The following TEAD1 variants were observed in gnomAD, a reference collection of about 807,000 sequenced individuals.
TEAD1 encodes transcriptional enhancer factor TEF-1.
A neutral mutation model predicts 54.9 loss-of-function variants in TEAD1; 9 were observed. The ratio of observed to expected loss-of-function variants is 0.16; its 90% CI spans 0.10 to 0.29. The LOEUF is 0.29. TEAD1 is among the 10% of genes least tolerant of loss of function. The pLI, the probability that TEAD1 is intolerant of heterozygous loss-of-function variation, is 1.00. For missense variants in TEAD1, 387 were observed against 535.9 expected (o/e 0.72, Z 2.74); for synonymous variants, 200 against 187.8 (o/e 1.07, Z -0.53).
chr11:12,788,001 C>T (rs915658273), intron 3 of TEAD1, among the ~76,000 whole-genome samples: 3 of 143,690 alleles, frequency 2.1e-5, no homozygotes, highest in South Asian at 2.2e-4. Flanking sequence ...TTGCTCTTGT[C>T]GCTCAGGCTG....
At chr11:12,927,149 C>A (rs1308606868) in intron 11 of TEAD1, among the ~76,000 whole-genome samples, 1 of 152,170 alleles carries the variant, frequency 6.6e-6, no homozygotes, top group African/African-American at 2.4e-5. Context: ...CTGATAAAAT[C>A]ACAGGAATTT....
At chr11:12,854,915 C>T (rs1266356710) in intron 3 of TEAD1, among the ~76,000 whole-genome samples, 2 of 151,934 alleles carry the variant, frequency 1.3e-5, no homozygotes, top group Middle Eastern at 3.2e-3. Flanking sequence ...ATCTTTTTAC[C>T]CCCATAATTT....
intron 9 of TEAD1, 32 bp downstream of exon 9, chr11:12,883,157 C>T: frequency 1.2e-6 from 2 of 1,613,988 alleles, no homozygotes; most frequent in Middle Eastern, 1.6e-4. Context: ...TGTCTTGAAT[C>T]CAGGATTTCT....
At chr11:12,861,876 C>T (rs1325721276) in intron 3 of TEAD1, among the ~76,000 whole-genome samples, 1 of 152,040 alleles carries the variant, frequency 6.6e-6, no homozygotes, top group Non-Finnish European at 1.5e-5. Flanking sequence ...ATCCCAGCTA[C>T]TTGGGATGCT....
intron 3 of TEAD1, among the ~76,000 whole-genome samples, chr11:12,778,516 G>A (rs920594576): frequency 6.7e-6 from 1 of 149,426 alleles, no homozygotes; most frequent in East Asian, 2.0e-4. Context: ...TCCATTAAAG[G>A]CCTCATCAGA....
chr11:12,765,545 G>C (rs1037967430), intron 3 of TEAD1, among the ~76,000 whole-genome samples: 5 of 151,946 alleles, frequency 3.3e-5, no homozygotes, highest in African/African-American at 1.2e-4. Context: ...CCTCTGTCAG[G>C]AGCCGTAGGA....
chr11:12,778,518 C>T (rs1305603791), intron 3 of TEAD1, among the ~76,000 whole-genome samples: 3 of 150,034 alleles, frequency 2.0e-5, no homozygotes, highest in Non-Finnish European at 4.4e-5. Context: ...CATTAAAGGC[C>T]TCATCAGACT....
intron 3 of TEAD1, among the ~76,000 whole-genome samples, chr11:12,789,882 G>T (rs143350489): frequency 0.022 from 3,364 of 152,348 alleles, 49 homozygotes; most frequent in Middle Eastern, 0.034. Context: ...TGCCCAGGGG[G>T]CTCAGCGTAA....
rs1394138264 is a variant in TEAD1 at position 12,938,913 on chromosome 11, C to T, written c.*1691C>T. 6.6e-6 allele frequency: 1 copy of T among 152,210 alleles called. No homozygotes were observed. Among genetic ancestry groups the T allele is most frequent in the East Asian group, 1.9e-4 (1 of 5,200 alleles). 9.4% of individuals were successfully genotyped at this position (152,210 alleles called of 1,614,324 possible). On this transcript the variant is annotated 3_prime_UTR_variant, in exon 13 of 13. Transcript: ENST00000527636. Reference sequence around the variant, plus strand: ...TGTAAAACATGTCAAGATTTTTCCACCAAGCTAGAAAATAAAAAACTTAGT... The same window carrying T: ...TGTAAAACATGTCAAGATTTTTCCATCAAGCTAGAAAATAAAAAACTTAGT...
At chr11:12,693,380 A>T (rs1316552800) in intron 2 of TEAD1, among the ~76,000 whole-genome samples, 2 of 152,238 alleles carry the variant, frequency 1.3e-5, no homozygotes, top group East Asian at 3.9e-4. Context: ...CTCACTCTGA[A>T]CTCTGGTTTG....
intron 3 of TEAD1, among the ~76,000 whole-genome samples, chr11:12,811,887 C>T: frequency 6.6e-6 from 1 of 151,958 alleles, no homozygotes; most frequent in South Asian, 2.1e-4. Flanking sequence ...TGTCTAAGTT[C>T]TTTCATGTCT....
At chr11:12,717,140 A>G (rs190008030) in intron 2 of TEAD1, among the ~76,000 whole-genome samples, 2 of 152,380 alleles carry the variant, frequency 1.3e-5, no homozygotes, top group Admixed American at 6.5e-5. Flanking sequence ...ATGTAGTTAT[A>G]CTGATCATAG....
intron 3 of TEAD1, among the ~76,000 whole-genome samples, chr11:12,801,356 C>G (rs921857507): frequency 1.3e-5 from 2 of 152,188 alleles, no homozygotes; most frequent in African/African-American, 2.4e-5. Context: ...CCCCTTTTCT[C>G]TCTTCATGAG....
intron 9 of TEAD1, among the ~76,000 whole-genome samples, chr11:12,899,145 G>A (rs1948374404): frequency 6.6e-6 from 1 of 152,184 alleles, no homozygotes; most frequent in South Asian, 2.1e-4. Context: ...AGTCCCTAAG[G>A]CTTGTATCTC....
chr11:12,737,404 C>A (rs1468864281), intron 2 of TEAD1, among the ~76,000 whole-genome samples: 1 of 151,858 alleles, frequency 6.6e-6, no homozygotes, highest in Admixed American at 6.6e-5. Context: ...ATGAGTAAGA[C>A]TCAAGACCTT....
intron 2 of TEAD1, among the ~76,000 whole-genome samples, chr11:12,695,901 T>G (rs1590060307): frequency 6.6e-6 from 1 of 152,206 alleles, no homozygotes; most frequent in East Asian, 1.9e-4. Context: ...CCTTGCCATA[T>G]TTTAGCCAGG....
At chr11:12,735,561 G>GAT (rs1944513878) in intron 2 of TEAD1, among the ~76,000 whole-genome samples, 1 of 142,432 alleles carries the variant, frequency 7.0e-6, no homozygotes, top group Non-Finnish European at 1.5e-5. Context: ...TTCCTGGTTC[G>GAT]ATTTTTTTTT....
chr11:12,720,669 A>G (rs563912704), intron 2 of TEAD1, among the ~76,000 whole-genome samples: 1 of 152,336 alleles, frequency 6.6e-6, no homozygotes, highest in East Asian at 1.9e-4. Flanking sequence ...TTGAGGTGCT[A>G]TGGAAGGTGC....
intron 3 of TEAD1, among the ~76,000 whole-genome samples, chr11:12,773,060 A>C (rs1202109451): frequency 6.6e-6 from 1 of 152,060 alleles, no homozygotes; most frequent in African/African-American, 2.4e-5. Flanking sequence ...CTTTTTTTCA[A>C]CTCAGCTTAA....
Sources: gnomAD v4.1 joint callset for allele counts (sites outside exome capture counted in the v4.1 genomes callset) on GRCh38, gnomAD v4.1.1 for gene constraint, MANE v1.5 for transcripts, NCBI Gene and HGNC (gene_info 2026-07-23, HGNC 2026-07-21) for gene names.